Variants in IGF2BP2 observed in about 807,000 individuals in gnomAD.
IGF2BP2 encodes insulin-like growth factor 2 mRNA-binding protein 2.
A neutral mutation model predicts 75.8 loss-of-function variants in IGF2BP2; 17 were observed. The ratio of observed to expected loss-of-function variants is 0.22; its 90% confidence interval spans 0.15 to 0.34. IGF2BP2 has a LOEUF of 0.34. IGF2BP2 is among the 10% of genes least tolerant of loss of function. The pLI is 1.00. For missense variants in IGF2BP2, 516 were observed against 772.4 expected (o/e 0.67, Z 3.93); for synonymous variants, 288 against 295.6 (o/e 0.97, Z 0.26).
chr3:185,673,033 T>C (rs1718770783), intron 9 of IGF2BP2, among the ~76,000 whole-genome samples: 1 of 152,164 alleles, frequency 6.6e-6, no homozygotes, highest in Non-Finnish European at 1.5e-5. Context: ...GGCAAGGAAG[T>C]GCTTTTCTCC....
intron 2 of IGF2BP2, among the ~76,000 whole-genome samples, chr3:185,762,592 T>A (rs1056619047): frequency 9.9e-5 from 15 of 151,548 alleles, no homozygotes; most frequent in Admixed American, 9.2e-4. Context: ...AATACCATGT[T>A]TGAGAGACAG....
intron 2 of IGF2BP2, among the ~76,000 whole-genome samples, chr3:185,784,891 C>T (rs1404004297): frequency 6.6e-6 from 1 of 152,212 alleles, no homozygotes; most frequent in Non-Finnish European, 1.5e-5. Flanking sequence ...TGAGGCAAGT[C>T]AGGATGACCT....
At chr3:185,655,654 C>T (rs762108195) in intron 12 of IGF2BP2, among the ~76,000 whole-genome samples, 2 of 152,234 alleles carry the variant, frequency 1.3e-5, no homozygotes, top group African/African-American at 2.4e-5. Flanking sequence ...CACAGTGACA[C>T]GTCACCATTC....
intron 2 of IGF2BP2, among the ~76,000 whole-genome samples, chr3:185,749,836 A>C (rs949156636): frequency 1.1e-4 from 17 of 152,358 alleles, no homozygotes; most frequent in African/African-American, 4.1e-4. Context: ...AGCATGAATT[A>C]GGTTGGCCCA....
chr3:185,818,980 TTC>T (rs1740974653), intron 2 of IGF2BP2, among the ~76,000 whole-genome samples: 1 of 152,192 alleles, frequency 6.6e-6, no homozygotes, highest in Non-Finnish European at 1.5e-5. Context: ...GTTCTAAATC[TTC>T]TTTTAAAAAT....
intron 12 of IGF2BP2, among the ~76,000 whole-genome samples, chr3:185,655,659 C>T (rs1184573443): frequency 6.6e-6 from 1 of 152,236 alleles, no homozygotes; most frequent in Non-Finnish European, 1.5e-5. Context: ...TGACACGTCA[C>T]CATTCGACCT....
At chr3:185,747,845 T>TCTACTCTACTCTACTCTACTCTACC (rs1553878882) in intron 2 of IGF2BP2, among the ~76,000 whole-genome samples, 1 of 151,756 alleles carries the variant, frequency 6.6e-6, no homozygotes, top group African/African-American at 2.4e-5. Flanking sequence ...TCTACTCTAC[T>TCTACTCTACTCTACTCTACTCTACC]CCAATTTTAT....
intron 10 of IGF2BP2, among the ~76,000 whole-genome samples, chr3:185,663,875 T>C (rs1304983074): frequency 6.6e-6 from 1 of 152,248 alleles, no homozygotes; most frequent in Non-Finnish European, 1.5e-5. Flanking sequence ...ATGGTCTTTC[T>C]AATGTACTGC....
chr3:185,730,099 G>C (rs751793218), intron 2 of IGF2BP2, among the ~76,000 whole-genome samples: 4 of 152,128 alleles, frequency 2.6e-5, no homozygotes, highest in Admixed American at 2.6e-4. Context: ...GTACACAATA[G>C]TTAATTTTTA....
At chr3:185,705,853 C>T (rs938376847) in intron 2 of IGF2BP2, among the ~76,000 whole-genome samples, 6 of 152,174 alleles carry the variant, frequency 3.9e-5, no homozygotes, top group Admixed American at 1.3e-4. Context: ...ATCTAATCAA[C>T]TCTCCAAGGC....
chr3:185,760,816 G>A (rs1732260197), intron 2 of IGF2BP2, among the ~76,000 whole-genome samples: 1 of 152,176 alleles, frequency 6.6e-6, no homozygotes, highest in Non-Finnish European at 1.5e-5. Flanking sequence ...TGCTATGGCT[G>A]TTAGAGAGTT....
At chr3:185,698,409 A>T in intron 2 of IGF2BP2, 62 bp from the exon 3 acceptor site, 13 of 1,484,168 alleles carry the variant, frequency 8.8e-6, no homozygotes, top group South Asian at 1.1e-5. Flanking sequence ...AGCAAATAAT[A>T]AAAACCGGCT....
chr3:185,653,872 A>C (rs1004412033), intron 12 of IGF2BP2, among the ~76,000 whole-genome samples: 1 of 152,220 alleles, frequency 6.6e-6, no homozygotes. Context: ...AGATCTGTTT[A>C]GTGAAATGGG....
intron 2 of IGF2BP2, among the ~76,000 whole-genome samples, chr3:185,801,845 A>G (rs1461504279): frequency 6.6e-6 from 1 of 152,124 alleles, no homozygotes; most frequent in Non-Finnish European, 1.5e-5. Flanking sequence ...CCATAAAAAG[A>G]GTGAGTTCAT....
In IGF2BP2 at chr3:185,796,564, CAAA is replaced by C. The variant is rs60331633; in HGVS notation, c.239+26586_239+26588del. Among the ~76,000 whole-genome samples the C allele has an allele frequency of 6.9e-3, 493 of 71,738 alleles. 3 individuals carry two copies. Among genetic ancestry groups the C allele is most frequent in the African/African-American group, 0.016 (315 of 20,116 alleles). The allele number at this position is 71,738 out of a possible 152,430, so 47.1% of individuals were successfully genotyped here. A position where few individuals can be genotyped will look rare whatever the true frequency, so the allele number is the denominator to read the frequency against. On this transcript the variant is annotated intron_variant, in intron 2 of 15. Transcript: ENST00000382199. ...TGGGTGACAGAGTGACATTCCGTCT[CAAA>C]AAAAAAAAAAAAAAAAAAATTCCAG... is the stretch of plus-strand genomic sequence containing the variant.
chr3:185,720,610 T>G (rs1465589145), intron 2 of IGF2BP2, among the ~76,000 whole-genome samples: 1 of 152,226 alleles, frequency 6.6e-6, no homozygotes, highest in East Asian at 1.9e-4. Context: ...TAACTGGATG[T>G]TGGTCTGTTG....
chr3:185,791,781 T>C (rs909640222), intron 2 of IGF2BP2, among the ~76,000 whole-genome samples: 1 of 152,244 alleles, frequency 6.6e-6, no homozygotes, highest in Non-Finnish European at 1.5e-5. Context: ...TAACCTATTA[T>C]TCATTTAACA....
At chr3:185,736,967 A>G (rs1459359277) in intron 2 of IGF2BP2, among the ~76,000 whole-genome samples, 3 of 152,212 alleles carry the variant, frequency 2.0e-5, no homozygotes, top group Non-Finnish European at 4.4e-5. Flanking sequence ...TTAGTCCTAA[A>G]TGTCTTAGAA....
At chr3:185,782,082 G>A (rs1049203982) in intron 2 of IGF2BP2, among the ~76,000 whole-genome samples, 5 of 152,090 alleles carry the variant, frequency 3.3e-5, no homozygotes, top group African/African-American at 9.7e-5. Flanking sequence ...CTGGTTCTGA[G>A]ATCTTGCTAA....
Sources: allele counts gnomAD v4.1 joint callset (sites outside exome capture counted in the v4.1 genomes callset), GRCh38; gene constraint gnomAD v4.1.1; transcripts MANE v1.5; gene names NCBI Gene and HGNC (gene_info 2026-07-23, HGNC 2026-07-21).